Variants in NCOA4 observed in about 807,000 individuals in gnomAD.
The protein encoded by NCOA4 is 70 kDa AR-activator.
NCOA4 carries 31 observed loss-of-function variants against 69.5 expected under a neutral mutation model. The observed-to-expected ratio is 0.45, with a 90% CI of 0.34 to 0.60. The LOEUF (loss-of-function observed/expected upper bound fraction) is 0.60, where lower values mean the gene tolerates loss of function less well. NCOA4 is among the 20% of genes least tolerant of loss of function. The probability of loss-of-function intolerance (pLI) is 0.02; values close to 1 mark genes in which losing one functional copy is unlikely to be tolerated. For missense variants in NCOA4, 600 were observed against 719.2 expected (o/e 0.83, Z 1.90); for synonymous variants, 228 against 252.4 (o/e 0.90, Z 0.92).
intron 1 of NCOA4, among the ~76,000 whole-genome samples, chr10:46,027,808 T>C (rs1416095333): frequency 6.6e-6 from 1 of 152,200 alleles, no homozygotes; most frequent in Non-Finnish European, 1.5e-5. Flanking sequence ...CCACTGTATA[T>C]CCTAAAGAGT....
intron 1 of NCOA4, among the ~76,000 whole-genome samples, chr10:46,025,847 A>C (rs1840133756): frequency 6.6e-6 from 1 of 152,226 alleles, no homozygotes; most frequent in Non-Finnish European, 1.5e-5. Flanking sequence ...TGAGGGCTCC[A>C]TGAGAGAAGA....
chr10:46,006,668 G>C, intron 9 of NCOA4, 71 bp from the exon 10 acceptor site: 3 of 1,451,732 alleles, frequency 2.1e-6, no homozygotes, highest in Non-Finnish European at 2.9e-6. Context: ...CTGCCTTAAA[G>C]CTCCGACTCA....
chr10:46,007,108 A>G (rs1404557558), intron 9 of NCOA4, among the ~76,000 whole-genome samples: 1 of 152,192 alleles, frequency 6.6e-6, no homozygotes, highest in Non-Finnish European at 1.5e-5. Context: ...AAAGTTCTTG[A>G]AAAAAACTAG....
intron 1 of NCOA4, among the ~76,000 whole-genome samples, chr10:46,023,051 C>CATCAATTTTCTAAAGTAGT (rs1284923182): frequency 6.6e-6 from 1 of 152,226 alleles, no homozygotes; most frequent in Non-Finnish European, 1.5e-5. Context: ...AATCCCAGCA[C>CATCAATTTTCTAAAGTAGT]ATCAATTTTC....
Position 46,007,580 on chromosome 10 carries a change from T to C in NCOA4, c.1840-983A>G, listed in dbSNP as rs187653971. Among the ~76,000 whole-genome samples the C allele has an allele frequency of 6.0e-3, 751 of 125,598 alleles. 5 individuals are homozygous for C. Among genetic ancestry groups the C allele is most frequent in the Non-Finnish European group, 9.0e-3 (534 of 59,636 alleles). 82.4% of individuals were successfully genotyped at this position (125,598 alleles called of 152,430 possible). A position where few individuals can be genotyped will look rare whatever the true frequency, so the allele number is the denominator to read the frequency against. On this transcript the variant is annotated intron_variant, in intron 9 of 9. Coordinates refer to ENST00000581486, the MANE Select transcript of NCOA4 (RefSeq NM_001145263.2). The stretch of plus-strand genomic sequence containing the variant: ...GTTAGGGACTAACACAGCCAGTGAC[T>C]CTTTTTTTTTTTTTTTTTTTTTTTT...
intron 9 of NCOA4, chr10:46,009,188 C>A: frequency 4.5e-6 from 7 of 1,551,072 alleles, no homozygotes; most frequent in Non-Finnish European, 6.1e-6. Context: ...ACGGTTACAT[C>A]TTGAAAGTTC....
intron 4 of NCOA4, 27 bp from the exon 5 acceptor site, chr10:46,014,579 A>T: frequency 6.7e-7 from 1 of 1,496,614 alleles, no homozygotes; most frequent in Non-Finnish European, 9.2e-7. Context: ...AAAATTGGCT[A>T]TTTTTAAGGA....
chr10:46,027,444 A>G, intron 1 of NCOA4: 1 of 1,551,022 alleles, frequency 6.4e-7, no homozygotes, highest in South Asian at 1.2e-5. Context: ...GCTAGAGCAA[A>G]AGTGGTCAAC....
At chr10:46,022,248 G>A in intron 1 of NCOA4, among the ~76,000 whole-genome samples, 2 of 152,148 alleles carry the variant, frequency 1.3e-5, no homozygotes, top group Middle Eastern at 3.4e-3. Context: ...AAGGCCAAGC[G>A]CAGCATCTAT....
chr10:46,020,719 T>C (rs1469003903), intron 1 of NCOA4, among the ~76,000 whole-genome samples: 1 of 152,230 alleles, frequency 6.6e-6, no homozygotes, highest in African/African-American at 2.4e-5. Flanking sequence ...GTCTAAATCC[T>C]CTAATATATA....
intron 2 of NCOA4, 116 bp downstream of exon 2, chr10:46,016,424 A>T: frequency 2.2e-6 from 2 of 922,226 alleles, no homozygotes; most frequent in Non-Finnish European, 3.0e-6. Context: ...CAAGTAGACC[A>T]CGCAAGGCAT....
Position 46,010,127 on chromosome 10 carries a change from C to T in NCOA4, c.1698+96G>A. The T allele has an allele frequency of 2.1e-6, 3 of 1,427,802 alleles. No homozygotes were observed. The East Asian group carries it at 7.2e-5, about 34-fold the overall frequency. 88.4% of individuals were successfully genotyped at this position (1,427,802 alleles called of 1,614,324 possible). A position where few individuals can be genotyped will look rare whatever the true frequency, so the allele number is the denominator to read the frequency against. On this transcript the variant is annotated intron_variant, in intron 8 of 9. Transcript: ENST00000581486. ...AGGTTGCAATGAGCTGAGATCGCAC[C>T]ACTGCACTCCAGCCTGAGTGACAGA... is the stretch of plus-strand genomic sequence containing the variant.
intron 1 of NCOA4, among the ~76,000 whole-genome samples, chr10:46,029,512 T>C (rs367697774): frequency 1.3e-5 from 2 of 152,310 alleles, no homozygotes; most frequent in East Asian, 1.9e-4. Context: ...TCCTGTGCCA[T>C]CCTCATTCCA....
intron 9 of NCOA4, among the ~76,000 whole-genome samples, chr10:46,007,837 C>T (rs1247971865): frequency 6.6e-6 from 1 of 152,120 alleles, no homozygotes; most frequent in Admixed American, 6.6e-5. Flanking sequence ...AATCTTCCTA[C>T]CTCTGCCTCC....
chr10:46,007,288 TGA>T (rs781817350), intron 9 of NCOA4, among the ~76,000 whole-genome samples: 1 of 152,168 alleles, frequency 6.6e-6, no homozygotes, highest in Non-Finnish European at 1.5e-5. Flanking sequence ...TTATGAAGGC[TGA>T]GAGAGGTCAG....
intron 1 of NCOA4, among the ~76,000 whole-genome samples, chr10:46,018,549 A>G (rs1208446384): frequency 6.6e-6 from 1 of 152,214 alleles, no homozygotes; most frequent in Non-Finnish European, 1.5e-5. Flanking sequence ...ACACTTAGAA[A>G]AGGGAGAGAG....
At chr10:46,014,268 C>T (rs1407789251) in intron 5 of NCOA4, among the ~76,000 whole-genome samples, 176 bp downstream of exon 5, 4 of 152,178 alleles carry the variant, frequency 2.6e-5, no homozygotes, top group Admixed American at 6.5e-5. Context: ...CCGCCCTCCT[C>T]GGCCTCCCAA....
chr10:46,021,989 A>G (rs1839897390), intron 1 of NCOA4, among the ~76,000 whole-genome samples: 1 of 151,738 alleles, frequency 6.6e-6, no homozygotes, highest in Admixed American at 6.6e-5. Flanking sequence ...AATAAACAGT[A>G]CCCTTGTATG....
chr10:46,026,255 T>C (rs112977191), intron 1 of NCOA4, among the ~76,000 whole-genome samples: 5 of 152,208 alleles, frequency 3.3e-5, no homozygotes, highest in African/African-American at 4.8e-5. Flanking sequence ...GGCAAGGGTG[T>C]TGCCACTGAA....
Sources: allele counts gnomAD v4.1 joint callset (sites outside exome capture counted in the v4.1 genomes callset), GRCh38; gene constraint gnomAD v4.1.1; transcripts MANE v1.5; gene names NCBI Gene and HGNC (gene_info 2026-07-23, HGNC 2026-07-21).